ADARB2: variants seen among roughly 807,000 people sequenced by gnomAD.
ADARB2 encodes inactive double-stranded RNA-specific editase B2.
In ADARB2, 25 loss-of-function variants were observed where a neutral mutation model predicts 62.2. The ratio of observed to expected loss-of-function variants is 0.40; its 90% CI spans 0.29 to 0.56. The LOEUF is 0.56. Among genes scored for constraint, ADARB2 ranks in the 20% least tolerant of loss-of-function variants. ADARB2 has a pLI of 0.43. For synonymous variants in ADARB2, 572 were observed against 500.8 expected, an observed-to-expected ratio of 1.14 and a Z score of -1.90; for missense variants, 1,071 against 1,077.4, an observed-to-expected ratio of 0.99 and a Z score of 0.08.
Position 1,512,909 on chromosome 10 carries a change from G to A in ADARB2, c.101-133749C>T, listed in dbSNP as rs531942822. Among the ~76,000 whole-genome samples the A allele has an allele frequency of 4.6e-5, 7 of 152,296 alleles. No homozygotes were observed. The East Asian group carries it at 9.6e-4, about 21-fold the overall frequency. On this transcript the variant is annotated intron_variant, in intron 1 of 9. Transcript: ENST00000381312. Reference sequence around the variant, plus strand: ...ACAGCAGGAAATCAACAACGACTTGGTAAAGACAATGGGCTCTGCCAAGCT... The same window carrying A: ...ACAGCAGGAAATCAACAACGACTTGATAAAGACAATGGGCTCTGCCAAGCT...
At chr10:1,534,182 G>A (rs1832292522) in intron 1 of ADARB2, among the ~76,000 whole-genome samples, 1 of 151,492 alleles carries the variant, frequency 6.6e-6, no homozygotes, top group Admixed American at 6.6e-5. Context: ...TGTCGCCCAG[G>A]CTGGAGTGTA....
intron 1 of ADARB2, among the ~76,000 whole-genome samples, chr10:1,604,226 C>T (rs1833467377): frequency 6.6e-6 from 1 of 152,096 alleles, no homozygotes; most frequent in African/African-American, 2.4e-5. Context: ...TTCTAGCTCT[C>T]AAGGAATGGC....
intron 1 of ADARB2, among the ~76,000 whole-genome samples, chr10:1,442,869 G>A (rs1047153210): frequency 1.3e-5 from 2 of 152,076 alleles, no homozygotes; most frequent in Non-Finnish European, 2.9e-5. Context: ...TGAGCTGAAT[G>A]GACAAGAGGA....
intron 3 of ADARB2, among the ~76,000 whole-genome samples, chr10:1,343,502 C>T (rs1024209399): frequency 6.6e-6 from 1 of 152,220 alleles, no homozygotes; most frequent in Non-Finnish European, 1.5e-5. Flanking sequence ...TACCATCTGA[C>T]CCAGCAACCC....
chr10:1,261,442 C>T (rs1468835093), intron 4 of ADARB2, among the ~76,000 whole-genome samples: 1 of 149,122 alleles, frequency 6.7e-6, no homozygotes, highest in African/African-American at 2.6e-5. Context: ...ACAATGAACT[C>T]AAACAAATTT....
chr10:1,466,336 G>A (rs1383305373), intron 1 of ADARB2, among the ~76,000 whole-genome samples: 3 of 152,154 alleles, frequency 2.0e-5, no homozygotes, highest in Non-Finnish European at 4.4e-5. Context: ...GGGCAAAGAC[G>A]GTGCTTCTCC....
Position 1,328,749 on chromosome 10 carries a change from G to A in ADARB2, c.1077+34279C>T, listed in dbSNP as rs557904818. On this transcript the variant is annotated intron_variant, in intron 3 of 9. Coordinates refer to ENST00000381312, the MANE Select transcript of ADARB2 (RefSeq NM_018702.4). ...CTCATATCTGTAACCCCAGCACTTT[G>A]AGATGTATGAGGCAGGAGGATTACT... 3.9e-5 allele frequency among the ~76,000 whole-genome samples: 6 copies of A among 152,180 alleles called. No individual in the cohort carries two copies. In the South Asian group the frequency reaches 8.3e-4, roughly 21 times the overall value.
intron 1 of ADARB2, among the ~76,000 whole-genome samples, chr10:1,583,601 G>A (rs1833135138): frequency 6.6e-6 from 1 of 152,228 alleles, no homozygotes; most frequent in Non-Finnish European, 1.5e-5. Context: ...AACCAAATGA[G>A]AGAAATTCCA....
At chr10:1,487,152 G>A (rs1193414082) in intron 1 of ADARB2, among the ~76,000 whole-genome samples, 2 of 152,234 alleles carry the variant, frequency 1.3e-5, no homozygotes, top group Non-Finnish European at 2.9e-5. Context: ...CTTGGCCAAG[G>A]CCTTGGATAG....
intron 1 of ADARB2, among the ~76,000 whole-genome samples, chr10:1,684,569 T>C (rs1259038384): frequency 1.3e-5 from 2 of 152,236 alleles, no homozygotes; most frequent in Non-Finnish European, 2.9e-5. Context: ...AGATTTCCTT[T>C]TTCTCTTGTC....
At chr10:1,439,068 T>C (rs1234167640) in intron 1 of ADARB2, among the ~76,000 whole-genome samples, 4 of 115,338 alleles carry the variant, frequency 3.5e-5, no homozygotes, top group South Asian at 3.5e-4. Context: ...AGGCCCTTCA[T>C]GATGGGGCTC....
At chr10:1,566,070 A>C (rs11250630) in intron 1 of ADARB2, among the ~76,000 whole-genome samples, 95 of 1,580 alleles carry the variant, frequency 0.06, no homozygotes, top group South Asian at 0.18. Flanking sequence ...TAGCAAAAAA[A>C]AAAAAAAAAA....
At chr10:1,282,195 C>A (rs1831376779) in intron 3 of ADARB2, among the ~76,000 whole-genome samples, 1 of 152,182 alleles carries the variant, frequency 6.6e-6, no homozygotes, top group Admixed American at 6.5e-5. Context: ...TCTTCCTCCC[C>A]TCCCTGTCCT....
chr10:1,458,852 C>T (rs567333801), intron 1 of ADARB2, among the ~76,000 whole-genome samples: 11 of 82,610 alleles, frequency 1.3e-4, no homozygotes, highest in East Asian at 7.4e-4. Context: ...AACAAACACT[C>T]GACGGAACAA....
At chr10:1,323,844 G>A (rs1831819451) in intron 3 of ADARB2, among the ~76,000 whole-genome samples, 1 of 152,190 alleles carries the variant, frequency 6.6e-6, no homozygotes, top group African/African-American at 2.4e-5. Context: ...AGAGCAAGAT[G>A]AAGATATCTT....
At chr10:1,609,454 C>A (rs1833539927) in intron 1 of ADARB2, among the ~76,000 whole-genome samples, 1 of 152,244 alleles carries the variant, frequency 6.6e-6, no homozygotes, top group Non-Finnish European at 1.5e-5. Flanking sequence ...CTTTCAGGTT[C>A]TCAGGGCCAA....
intron 1 of ADARB2, among the ~76,000 whole-genome samples, chr10:1,712,628 AC>A (rs2119153137): frequency 1.2e-5 from 1 of 85,956 alleles, no homozygotes; most frequent in Non-Finnish European, 2.1e-5. Context: ...TTTTTTTGAA[AC>A]GGAGTCTCCC....
intron 1 of ADARB2, chr10:1,526,765 C>T (rs780320964): frequency 4.2e-6 from 2 of 479,466 alleles, no homozygotes; most frequent in South Asian, 1.5e-5. Flanking sequence ...CGGACTGAGC[C>T]GGATGACATG....
intron 1 of ADARB2, among the ~76,000 whole-genome samples, chr10:1,495,151 G>C (rs1013903951): frequency 1.3e-5 from 2 of 152,118 alleles, no homozygotes; most frequent in Non-Finnish European, 2.9e-5. Flanking sequence ...ATCATAATTA[G>C]TAGAAATTGG....
Sources: gnomAD v4.1 joint callset for allele counts (sites outside exome capture counted in the v4.1 genomes callset) on GRCh38, gnomAD v4.1.1 for gene constraint, MANE v1.5 for transcripts, NCBI Gene and HGNC (gene_info 2026-07-23, HGNC 2026-07-21) for gene names.